The following SPAG16 variants were observed in gnomAD, a reference collection of about 807,000 sequenced individuals.
The protein encoded by SPAG16 is sperm-associated antigen 16 protein.
A neutral mutation model predicts 80.4 loss-of-function variants in SPAG16; 86 were observed. The observed-to-expected ratio is 1.07, with a 90% CI of 0.90 to 1.28. The LOEUF (loss-of-function observed/expected upper bound fraction) is 1.28, where lower values mean the gene tolerates loss of function less well. SPAG16 is among the 50% of genes most tolerant of loss of function. The probability of loss-of-function intolerance (pLI) is 0.00; values close to 1 mark genes in which losing one functional copy is unlikely to be tolerated. For missense variants in SPAG16, 870 were observed against 765.3 expected (o/e 1.14, Z -1.61); for synonymous variants, 294 against 265.9 (o/e 1.11, Z -1.03).
chr2:213,769,369 T>TGAAGACAGCC (rs889349601), intron 10 of SPAG16, among the ~76,000 whole-genome samples: 1 of 152,178 alleles, frequency 6.6e-6, no homozygotes. Context: ...AATATGGACT[T>TGAAGACAGCC]GAAGACAGCC....
intron 10 of SPAG16, among the ~76,000 whole-genome samples, chr2:213,842,067 A>C (rs1353599190): frequency 2.6e-5 from 4 of 152,134 alleles, no homozygotes; most frequent in African/African-American, 9.7e-5. Context: ...GTTAGGGTTG[A>C]CAAAATAGGA....
At chr2:214,271,013 T>C (rs1192229527) in intron 15 of SPAG16, among the ~76,000 whole-genome samples, 3 of 152,118 alleles carry the variant, frequency 2.0e-5, no homozygotes, top group Non-Finnish European at 4.4e-5. Context: ...GTCTAGGAAA[T>C]GATTTCTGAA....
intron 3 of SPAG16, among the ~76,000 whole-genome samples, chr2:213,306,229 A>C (rs1355914260): frequency 6.6e-6 from 1 of 150,972 alleles, no homozygotes; most frequent in Non-Finnish European, 1.5e-5. Flanking sequence ...CTACTTTAAA[A>C]AAATTTTTTT....
At chr2:214,170,635 C>T (rs942494996) in intron 15 of SPAG16, among the ~76,000 whole-genome samples, 4 of 151,986 alleles carry the variant, frequency 2.6e-5, no homozygotes, top group African/African-American at 9.7e-5. Context: ...TTATGCTATT[C>T]AGACTGCCTA....
intron 10 of SPAG16, among the ~76,000 whole-genome samples, chr2:213,857,371 T>C (rs528599519): frequency 6.6e-6 from 1 of 152,358 alleles, no homozygotes; most frequent in South Asian, 2.1e-4. Flanking sequence ...CTAATGCAGC[T>C]GGTAACTTTA....
At chr2:214,196,450 GT>G (rs897255321) in intron 15 of SPAG16, among the ~76,000 whole-genome samples, 4 of 152,044 alleles carry the variant, frequency 2.6e-5, no homozygotes, top group African/African-American at 4.8e-5. Flanking sequence ...CGTATTGACT[GT>G]TTAATAGTTC....
At chr2:213,777,698 A>G (rs895220879) in intron 10 of SPAG16, among the ~76,000 whole-genome samples, 2 of 151,820 alleles carry the variant, frequency 1.3e-5, no homozygotes, top group Non-Finnish European at 2.9e-5. Context: ...TGAGCCGCCC[A>G]ACTAATTTTT....
chr2:214,266,471 C>T (rs1691580536), intron 15 of SPAG16, among the ~76,000 whole-genome samples: 1 of 151,650 alleles, frequency 6.6e-6, no homozygotes, highest in Admixed American at 6.6e-5. Context: ...ATGAATGTTC[C>T]ACAACAGAGT....
chr2:214,330,359 A>G (rs1159632893), intron 15 of SPAG16, among the ~76,000 whole-genome samples: 1 of 152,152 alleles, frequency 6.6e-6, no homozygotes, highest in Non-Finnish European at 1.5e-5. Flanking sequence ...CCATAGGAAT[A>G]GAATTGAAGA....
intron 10 of SPAG16, among the ~76,000 whole-genome samples, chr2:213,717,172 T>C (rs1255326638): frequency 6.6e-6 from 1 of 151,552 alleles, no homozygotes; most frequent in East Asian, 1.9e-4. Context: ...TTTTTTTTTT[T>C]TGAGACGGAA....
intron 15 of SPAG16, among the ~76,000 whole-genome samples, chr2:214,261,688 CTTA>C (rs1322810045): frequency 1.3e-5 from 2 of 151,948 alleles, no homozygotes; most frequent in African/African-American, 4.8e-5. Flanking sequence ...TTTATTTGTG[CTTA>C]TTAAGTTAAA....
At chr2:214,122,620 C>T (rs915460822) in intron 14 of SPAG16, among the ~76,000 whole-genome samples, 16 of 151,724 alleles carry the variant, frequency 1.1e-4, no homozygotes, top group African/African-American at 3.9e-4. Flanking sequence ...GTGATTGATC[C>T]CCTGAAGGAC....
intron 15 of SPAG16, among the ~76,000 whole-genome samples, chr2:214,217,750 A>G (rs2125767066): frequency 6.6e-6 from 1 of 152,344 alleles, no homozygotes; most frequent in Admixed American, 6.5e-5. Flanking sequence ...GAGCAGCTTT[A>G]TAAGAAGGCT....
intron 10 of SPAG16, among the ~76,000 whole-genome samples, chr2:213,635,301 C>T (rs1256299162): frequency 1.3e-5 from 2 of 152,088 alleles, no homozygotes; most frequent in African/African-American, 2.4e-5. Context: ...TCCCAAAGTG[C>T]TCGGATTACA....
chr2:213,771,824 C>G (rs1465343935), intron 10 of SPAG16, among the ~76,000 whole-genome samples: 1 of 152,118 alleles, frequency 6.6e-6, no homozygotes, highest in African/African-American at 2.4e-5. Flanking sequence ...AGTTTTGGTA[C>G]CAGTACCATG....
chr2:213,705,258 AAGAAAGAG>A (rs962904097), intron 10 of SPAG16, among the ~76,000 whole-genome samples: 1 of 133,398 alleles, frequency 7.5e-6, no homozygotes, highest in African/African-American at 4.0e-5. Flanking sequence ...AAAAATAAGA[AAGAAAGAG>A]AGAGAGAGGG....
At chr2:214,232,920 T>C (rs1397281190) in intron 15 of SPAG16, among the ~76,000 whole-genome samples, 2 of 151,720 alleles carry the variant, frequency 1.3e-5, no homozygotes, top group Non-Finnish European at 2.9e-5. Context: ...TTAGTATGGA[T>C]AAATAAAATG....
intron 10 of SPAG16, among the ~76,000 whole-genome samples, chr2:213,724,268 C>T (rs879854869): frequency 7.2e-5 from 11 of 151,976 alleles, no homozygotes; most frequent in African/African-American, 1.4e-4. Flanking sequence ...TGAGTCTGAG[C>T]GTTACTGTGG....
intron 15 of SPAG16, among the ~76,000 whole-genome samples, chr2:214,273,593 A>G (rs1576649329): frequency 6.6e-6 from 1 of 152,060 alleles, no homozygotes; most frequent in African/African-American, 2.4e-5. Flanking sequence ...TTTGTCAAAG[A>G]TCAGATTATT....
Sources: allele counts gnomAD v4.1 joint callset (sites outside exome capture counted in the v4.1 genomes callset), GRCh38; gene constraint gnomAD v4.1.1; transcripts MANE v1.5; gene names NCBI Gene and HGNC (gene_info 2026-07-23, HGNC 2026-07-21).